BBS4: variants seen among roughly 807,000 people sequenced by gnomAD.
BBS4 encodes BBSome complex member BBS4.
BBS4 carries 58 observed loss-of-function variants against 71.4 expected under a neutral mutation model. That is an observed-to-expected ratio of 0.81 (90% confidence interval 0.66 to 1.01). The LOEUF is 1.01. Among genes scored for constraint, BBS4 ranks in the 50% least tolerant of loss-of-function variants. The probability of loss-of-function intolerance (pLI) is 0.00; values close to 1 mark genes in which losing one functional copy is unlikely to be tolerated. For synonymous variants in BBS4, 228 were observed against 216.8 expected, an observed-to-expected ratio of 1.05 and a Z score of -0.46; for missense variants, 660 against 607.9, an observed-to-expected ratio of 1.09 and a Z score of -0.90.
At chr15:72,723,447 A>G (rs2151033114) in intron 7 of BBS4, among the ~76,000 whole-genome samples, 1 of 152,352 alleles carries the variant, frequency 6.6e-6, no homozygotes, top group South Asian at 2.1e-4. Flanking sequence ...AGACAAAATT[A>G]CTGAGAGCTC....
At chr15:72,707,622 G>A (rs7182527) in intron 2 of BBS4, among the ~76,000 whole-genome samples, 146,518 of 152,316 alleles carry the variant, frequency 0.96, 70,746 homozygotes, top group East Asian at 1. Context: ...TTGAGAAATA[G>A]GCATTAAAGA....
intron 2 of BBS4, among the ~76,000 whole-genome samples, chr15:72,705,400 GAAA>G (rs1344365878): frequency 3.3e-5 from 5 of 152,142 alleles, no homozygotes; most frequent in African/African-American, 1.2e-4. Context: ...TTGATGGAAC[GAAA>G]ATTAGCTTTT....
chr15:72,722,266 A>G (rs1273960945), intron 6 of BBS4, among the ~76,000 whole-genome samples: 1 of 152,224 alleles, frequency 6.6e-6, no homozygotes, highest in African/African-American at 2.4e-5. Context: ...AGCAGACTCC[A>G]GGTGGCGCTG....
intron 1 of BBS4, among the ~76,000 whole-genome samples, chr15:72,689,245 T>TA (rs2064937740): frequency 6.6e-6 from 1 of 152,116 alleles, no homozygotes; most frequent in Non-Finnish European, 1.5e-5. Context: ...AATGTATAGC[T>TA]AAAAATCTAA....
chr15:72,690,013 T>C (rs1288597358), intron 1 of BBS4, among the ~76,000 whole-genome samples: 1 of 151,984 alleles, frequency 6.6e-6, no homozygotes, highest in Non-Finnish European at 1.5e-5. Context: ...GGTTTCACCG[T>C]GTTAGCCAGG....
At chr15:72,729,194 A>G (rs1373788805) in intron 9 of BBS4, among the ~76,000 whole-genome samples, 4 of 136,124 alleles carry the variant, frequency 2.9e-5, no homozygotes, top group Non-Finnish European at 4.6e-5. Flanking sequence ...TTTAAAGTCA[A>G]GAGAACTCAA....
At chr15:72,716,678 G>A in intron 5 of BBS4, 100 bp from the exon 6 acceptor site, 1 of 936,312 alleles carries the variant, frequency 1.1e-6, no homozygotes, top group Non-Finnish European at 1.7e-6. Context: ...AAGGCTTCTA[G>A]AATTCTCTGC....
chr15:72,734,075 CTGTT>C (rs1371846050), intron 12 of BBS4, among the ~76,000 whole-genome samples: 3 of 152,142 alleles, frequency 2.0e-5, no homozygotes, highest in Non-Finnish European at 4.4e-5. Context: ...TTTGAAGTGT[CTGTT>C]TATGTCCTTT....
At chr15:72,719,505 C>G (rs1262827743) in intron 6 of BBS4, among the ~76,000 whole-genome samples, 3 of 151,810 alleles carry the variant, frequency 2.0e-5, no homozygotes, top group African/African-American at 7.3e-5. Context: ...CTTTAGCTTC[C>G]CAGAGTGCTG....
intron 15 of BBS4, 89 bp downstream of exon 15, chr15:72,737,052 T>C: frequency 6.9e-7 from 1 of 1,452,930 alleles, no homozygotes; most frequent in Non-Finnish European, 9.6e-7. Flanking sequence ...TGAGGTTCTC[T>C]TCAGACTCAT....
intron 10 of BBS4, among the ~76,000 whole-genome samples, chr15:72,730,979 C>CT (rs1014518149): frequency 6.8e-6 from 1 of 147,884 alleles, no homozygotes; most frequent in Admixed American, 6.8e-5. Context: ...GAAGTTTTTA[C>CT]TTAAAGGGCT....
In BBS4 at chr15:72,729,161, C is replaced by CT. The variant is rs71137313; in HGVS notation, c.643-430dup. 2.3e-3 allele frequency among the ~76,000 whole-genome samples: 162 copies of CT among 70,036 alleles called. 7 individuals carry two copies. The highest frequency in any genetic ancestry group is 8.6e-3 in the African/African-American group (124 of 14,362). The allele number at this position is 70,036 out of a possible 152,430, so 45.9% of individuals were successfully genotyped here. ...CTTTATTATCTGGTAACTGTAGCTG[C>CT]TTTTTTTTTTTTTTTTTTTTTTTTT... On this transcript the variant is annotated intron_variant, in intron 9 of 15. Coordinates refer to ENST00000268057, the MANE Select transcript of BBS4 (RefSeq NM_033028.5).
At chr15:72,710,001 G>A (rs1434722068) in intron 3 of BBS4, among the ~76,000 whole-genome samples, 4 of 151,986 alleles carry the variant, frequency 2.6e-5, no homozygotes, top group African/African-American at 9.7e-5. Context: ...ATTGCTCATG[G>A]GCTTTCAGAT....
intron 1 of BBS4, chr15:72,686,484 C>A (rs1055622825): frequency 6.6e-7 from 1 of 1,526,302 alleles, no homozygotes; most frequent in Admixed American, 2.0e-5. Flanking sequence ...TCTTGGGGTG[C>A]GCTGGACGGA....
intron 12 of BBS4, among the ~76,000 whole-genome samples, chr15:72,731,976 C>T (rs1247311228): frequency 1.3e-5 from 2 of 152,146 alleles, no homozygotes; most frequent in Non-Finnish European, 2.9e-5. Context: ...TCACCTTTTA[C>T]CAGTTTTTTC....
intron 1 of BBS4, chr15:72,686,971 G>A (rs2064858441): frequency 9.0e-6 from 2 of 222,630 alleles, no homozygotes; most frequent in South Asian, 1.2e-4. Flanking sequence ...CTGGAAAACA[G>A]TACAAATAGC....
At chr15:72,727,713 G>T (rs1205659503) in intron 8 of BBS4, among the ~76,000 whole-genome samples, 1 of 152,128 alleles carries the variant, frequency 6.6e-6, no homozygotes, top group Non-Finnish European at 1.5e-5. Context: ...CCTAAGAAAG[G>T]AATCTGAATT....
rs376206327 is a variant in BBS4, at chr15:72,715,369, G to A, written c.299G>A (p.Ser100Asn). ...FQTCAVLSPQ[S>N]ADNLKQVARS... The stretch of plus-strand genomic sequence containing the variant: ...ACATGTGCAGTTCTTAGTCCTCAGA[G>A]TGCTGATAACCTCAAGCAGGTGGCC... Residue 100 changes from serine to asparagine, a missense_variant, in exon 5 of 16, where the codon AGT becomes AAT. By Grantham distance (46) the Ser-to-Asn change is conservative. Transcript: ENST00000268057. The A allele has an allele frequency of 1.2e-6, 2 of 1,614,052 alleles. No individual in the cohort carries two copies. The highest frequency in any genetic ancestry group is 1.7e-6 in the Non-Finnish European group (2 of 1,179,936).
intron 2 of BBS4, among the ~76,000 whole-genome samples, chr15:72,702,402 G>A (rs777022478): frequency 4.3e-4 from 66 of 151,968 alleles, no homozygotes; most frequent in Non-Finnish European, 8.5e-4. Flanking sequence ...CTGGCCTTAC[G>A]TGACTATTCA....
Sources: allele counts gnomAD v4.1 joint callset (sites outside exome capture counted in the v4.1 genomes callset), GRCh38; gene constraint gnomAD v4.1.1; transcripts MANE v1.5; gene names NCBI Gene and HGNC (gene_info 2026-07-23, HGNC 2026-07-21).